The following BTK variants were observed in gnomAD, a reference collection of about 807,000 sequenced individuals.
The protein encoded by BTK is tyrosine-protein kinase BTK.
A neutral mutation model predicts 57.4 loss-of-function variants in BTK; 5 were observed. The ratio of observed to expected loss-of-function variants is 0.09; its 90% CI spans 0.05 to 0.18. The LOEUF is 0.18. Ranked by LOEUF, BTK falls within the 10% of genes least tolerant of loss-of-function variation. BTK has a pLI of 1.00. For missense variants in BTK, 194 were observed against 501.2 expected, an observed-to-expected ratio of 0.39 and a Z score of 5.85; for synonymous variants, 154 against 174.3, an observed-to-expected ratio of 0.88 and a Z score of 0.92.
At chrX:101,370,147 C>T in intron 4 of BTK, 68 bp from the exon 5 acceptor site, 1 of 862,967 alleles carries the variant, frequency 1.2e-6, no homozygotes, top group Non-Finnish European at 1.7e-6. Flanking sequence ...CTTGAAAGTA[C>T]TAATCTTAGG....
chrX:101,375,216 T>C lies in BTK; in HGVS notation c.69A>G (p.Leu23=). The change falls in exon 2 of 19, where the codon CTA becomes CTG. Residue 23 remains leucine (L), a synonymous_variant. Coordinates refer to ENST00000308731, the MANE Select transcript of BTK (RefSeq NM_000061.3). ...AGAGAAACAGGCGCTTCTTGAAGTTTAGAGGTGATGTTTTCTTTTTCTGTT... is the reference window on the plus strand; with the variant it reads ...AGAGAAACAGGCGCTTCTTGAAGTTCAGAGGTGATGTTTTCTTTTTCTGTT... The part of the protein sequence containing the change: ...RSQQKKKTSP[L]NFKKRLFLLT... 1 of 1,209,846 alleles carries C rather than the reference T, an allele frequency of 8.3e-7. No homozygotes were observed. Among genetic ancestry groups the C allele is most frequent in the African/African-American group, 1.7e-5 (1 of 57,202 alleles).
At position 101,372,010 on chromosome X, in the gene BTK, C is replaced by T. The variant is rs782106659; in HGVS notation, c.241-309G>A. Among the ~76,000 whole-genome samples the T allele has an allele frequency of 5.4e-5, 6 of 111,885 alleles. No individual in the cohort carries two copies. In the East Asian group the frequency reaches 1.7e-3, roughly 31 times the overall value. ...GAGGAGTTAGGTAGCTATGCTACAC[C>T]ATACACCAAAGAAAATTCCAGATGG... On this transcript the variant is annotated intron_variant, in intron 3 of 18. Coordinates refer to ENST00000308731, the MANE Select transcript of BTK (RefSeq NM_000061.3).
chrX:101,382,298 ACAG>A lies in BTK; in HGVS notation c.-31+3761_-31+3763del, dbSNP rs782089296. On this transcript the variant is annotated intron_variant, in intron 1 of 18. Coordinates refer to ENST00000308731, the MANE Select transcript of BTK (RefSeq NM_000061.3). ...GGCCTTAGGGCTCTCTGGTTCTTCC[ACAG>A]CAGTTCATGTTTTATTTATTTATTT... is the stretch of plus-strand genomic sequence containing the variant. Among the ~76,000 whole-genome samples the A allele has an allele frequency of 3.0e-4, 29 of 96,155 alleles. 1 individual carries two copies. The highest frequency in any genetic ancestry group is 1.4e-3 in the African/African-American group (29 of 21,381). The allele number at this position is 96,155 out of a possible 115,157, so 83.5% of individuals were successfully genotyped here.
At chrX:101,373,068 C>G (rs1245405672) in intron 3 of BTK, among the ~76,000 whole-genome samples, 9 of 108,651 alleles carry the variant, frequency 8.3e-5, no homozygotes, top group Non-Finnish European at 1.7e-4. Context: ...GGCGACACAG[C>G]GAGACTCCAT....
At chrX:101,351,884 C>T (rs1294129528) in intron 18 of BTK, among the ~76,000 whole-genome samples, 5 of 112,131 alleles carry the variant, frequency 4.5e-5, no homozygotes, top group Non-Finnish European at 9.4e-5. Context: ...TCTCATTTAG[C>T]CGGGCGCTGT....
At chrX:101,383,208 TATGTATGTATGTATGC>T (rs1927509065) in intron 1 of BTK, among the ~76,000 whole-genome samples, 5 of 111,621 alleles carry the variant, frequency 4.5e-5, no homozygotes, top group African/African-American at 6.5e-5. Context: ...TCGTAACATC[TATGTATGTATGTATGC>T]ATGTATGTAT....
At chrX:101,367,449 AAC>A (rs1926889324) in intron 5 of BTK, among the ~76,000 whole-genome samples, 1 of 107,097 alleles carries the variant, frequency 9.3e-6, no homozygotes, top group South Asian at 4.1e-4. Flanking sequence ...GAGCCTGGCC[AAC>A]ATGGTGAAAC....
chrX:101,362,381 G>A, intron 6 of BTK, 141 bp from the exon 7 acceptor site: 1 of 981,785 alleles, frequency 1.0e-6, no homozygotes, highest in Middle Eastern at 3.5e-4. Flanking sequence ...AGGTCACATA[G>A]CTTGGAGAGC....
chrX:101,376,530 G>A (rs944057826), intron 1 of BTK, among the ~76,000 whole-genome samples: 2 of 111,588 alleles, frequency 1.8e-5, no homozygotes, highest in East Asian at 5.6e-4. Flanking sequence ...GGGAGGCTGA[G>A]GCAGGAGAAT....
chrX:101,352,136 C>G (rs1174098519), intron 18 of BTK, among the ~76,000 whole-genome samples: 1 of 99,678 alleles, frequency 1.0e-5, no homozygotes, highest in Non-Finnish European at 2.0e-5. Flanking sequence ...GCACTCCAGC[C>G]TGGGCGACAG....
In BTK at chrX:101,349,863, A is replaced by G; in HGVS notation, c.*22T>C. 1 of 1,188,058 alleles carries G rather than the reference A, an allele frequency of 8.4e-7. No individual in the cohort carries two copies. Among genetic ancestry groups the G allele is most frequent in the Non-Finnish European group, 1.1e-6 (1 of 874,453 alleles). The stretch of plus-strand genomic sequence containing the variant: ...GGGGCTTGTGGAGAAGAGAAGTAGA[A>G]CCAAGAAGCTTATTGGCGAGCTCAG... On this transcript the variant is annotated 3_prime_UTR_variant, in exon 19 of 19. Transcript: ENST00000308731.
intron 4 of BTK, 66 bp from the exon 5 acceptor site, chrX:101,370,145 T>C (rs1926980049): frequency 1.1e-6 from 1 of 879,751 alleles, no homozygotes; most frequent in Non-Finnish European, 1.7e-6. Flanking sequence ...ACCTTGAAAG[T>C]ACTAATCTTA....
Position 101,349,778 on chromosome X carries a change from G to T in BTK, c.*107C>A. On this transcript the variant is annotated 3_prime_UTR_variant, in exon 19 of 19. Coordinates refer to ENST00000308731, the MANE Select transcript of BTK (RefSeq NM_000061.3). Reference sequence around the variant, plus strand: ...GTAGAGAGGGGCCTTTTTGTATTGAGTGGGAGCACAAAGGCTCCAGGGCTC... The same window carrying T: ...GTAGAGAGGGGCCTTTTTGTATTGATTGGGAGCACAAAGGCTCCAGGGCTC... 1.5e-6 allele frequency: 1 copy of T among 669,912 alleles called. No homozygotes were observed. Among genetic ancestry groups the T allele is most frequent in the Non-Finnish European group, 2.4e-6 (1 of 413,574 alleles). The allele number at this position is 669,912 out of a possible 1,213,427, so 55.2% of individuals were successfully genotyped here.
At chrX:101,380,753 C>T (rs782023408) in intron 1 of BTK, among the ~76,000 whole-genome samples, 1 of 110,500 alleles carries the variant, frequency 9.0e-6, no homozygotes, top group East Asian at 2.8e-4. Context: ...TAACTCAGGC[C>T]TGTAATCCCA....
At chrX:101,353,841 G>A (rs1555977440) in intron 17 of BTK, 29 bp downstream of exon 17, 3 of 1,080,732 alleles carry the variant, frequency 2.8e-6, no homozygotes. Context: ...CCTTTGAGCT[G>A]TATAATCTGT....
upstream of BTK, chrX:101,390,682 C>T: frequency 2.1e-6 from 1 of 469,816 alleles, no homozygotes; most frequent in Non-Finnish European, 3.8e-6. Context: ...CTTCATTCGA[C>T]CCTAGTCCTG....
At chrX:101,356,356 G>T (rs1473342697) in intron 14 of BTK, 88 bp from the exon 15 acceptor site, 21 of 776,691 alleles carry the variant, frequency 2.7e-5, no homozygotes, top group Non-Finnish European at 4.0e-5. Flanking sequence ...TGACCTAGGA[G>T]TAGAGCATCA....
chrX:101,367,877 G>A (rs1342349793), intron 5 of BTK, among the ~76,000 whole-genome samples: 1 of 111,329 alleles, frequency 9.0e-6, no homozygotes, highest in East Asian at 2.8e-4. Flanking sequence ...TATTCCCACA[G>A]ATAAATCAGT....
intron 3 of BTK, among the ~76,000 whole-genome samples, chrX:101,374,114 A>G (rs899387765): frequency 3.6e-5 from 4 of 111,788 alleles, no homozygotes; most frequent in Non-Finnish European, 7.5e-5. Flanking sequence ...TGAACTCAAA[A>G]ATCAGTAGGT....
Sources: gnomAD v4.1 joint callset for allele counts (sites outside exome capture counted in the v4.1 genomes callset) on GRCh38, gnomAD v4.1.1 for gene constraint, MANE v1.5 for transcripts, NCBI Gene and HGNC (gene_info 2026-07-23, HGNC 2026-07-21) for gene names.